The following KHDRBS2 variants were observed in gnomAD, a reference collection of about 807,000 sequenced individuals.
The protein encoded by KHDRBS2 is KH RNA binding domain containing, signal transduction associated 2.
A neutral mutation model predicts 44.3 loss-of-function variants in KHDRBS2; 26 were observed. The observed-to-expected ratio is 0.59, with a 90% confidence interval of 0.43 to 0.81. The LOEUF (loss-of-function observed/expected upper bound fraction) is 0.81. KHDRBS2 is among the 40% of genes least tolerant of loss of function. KHDRBS2 has a pLI of 0.00. For missense variants in KHDRBS2, 476 were observed against 433.1 expected (o/e 1.10, Z -0.88); for synonymous variants, 194 against 151.1 (o/e 1.28, Z -2.08).
intron 7 of KHDRBS2, among the ~76,000 whole-genome samples, chr6:61,708,992 T>C (rs1246015490): frequency 6.6e-6 from 1 of 151,698 alleles, no homozygotes; most frequent in East Asian, 1.9e-4. Flanking sequence ...AATCATTTAA[T>C]CTCACCAACT....
intron 2 of KHDRBS2, among the ~76,000 whole-genome samples, chr6:62,108,766 T>C (rs208986): frequency 0.8 from 121,432 of 152,120 alleles, 49,121 homozygotes; most frequent in African/African-American, 0.93. Flanking sequence ...ACTATGCACC[T>C]ATAAAAATGA....
intron 2 of KHDRBS2, among the ~76,000 whole-genome samples, chr6:62,060,981 G>A (rs1454333411): frequency 6.6e-6 from 1 of 151,818 alleles, no homozygotes. Context: ...TTTTATCAGA[G>A]ACTAGGATTG....
chr6:61,994,563 G>A (rs879339797), intron 3 of KHDRBS2, among the ~76,000 whole-genome samples: 42 of 152,164 alleles, frequency 2.8e-4, no homozygotes, highest in Non-Finnish European at 4.0e-4. Context: ...AAGACTCTGT[G>A]TTATGAGTTT....
In KHDRBS2 at chr6:61,978,195, C is replaced by G; in HGVS notation, c.354G>C (p.Lys118Asn). The G allele has an allele frequency of 6.2e-7, 1 of 1,606,376 alleles. No homozygotes were observed. The highest frequency in any genetic ancestry group is 2.2e-5 in the East Asian group (1 of 44,778). ...AGTGGGCATATTTGGCTTCCCCACT[C>G]TTCCTTAGTTCTTCTTCCTGTGAAA... ...RDKAKEEELRKSGEAKYAHLS... is the reference protein window; with the variant it reads ...RDKAKEEELRNSGEAKYAHLS... Residue 118 changes from lysine to asparagine, a missense_variant, in exon 4 of 9, where the codon AAG becomes AAC. Physicochemically the swap from Lys to Asn is moderately conservative, Grantham distance 94. Coordinates refer to ENST00000281156, the MANE Select transcript of KHDRBS2 (RefSeq NM_152688.4).
At chr6:61,955,193 T>A (rs1766409915) in intron 4 of KHDRBS2, among the ~76,000 whole-genome samples, 1 of 145,582 alleles carries the variant, frequency 6.9e-6, no homozygotes, top group East Asian at 2.1e-4. Context: ...TACGTTTGTA[T>A]GTATACATAT....
chr6:61,649,011 A>G, the KHDRBS2 span, among the ~76,000 whole-genome samples: 1 of 152,070 alleles, frequency 6.6e-6, no homozygotes, highest in African/African-American at 2.4e-5. Context: ...GTGGTTGATC[A>G]AGGGGAAAAA....
the KHDRBS2 span, among the ~76,000 whole-genome samples, chr6:61,557,059 G>A: frequency 6.6e-6 from 1 of 151,858 alleles, no homozygotes; most frequent in Admixed American, 6.6e-5. Context: ...AAACAATATT[G>A]TCATATTATG....
intron 2 of KHDRBS2, among the ~76,000 whole-genome samples, chr6:62,160,864 G>A (rs1182449298): frequency 6.6e-6 from 1 of 152,020 alleles, no homozygotes; most frequent in Non-Finnish European, 1.5e-5. Flanking sequence ...AGTATACAGT[G>A]TAGTGGTGTT....
Position 61,797,103 on chromosome 6 carries a change from A to G in KHDRBS2, c.811-64339T>C, listed in dbSNP as rs368528442. Among the ~76,000 whole-genome samples the G allele has an allele frequency of 8.3e-4, 127 of 152,258 alleles. 4 individuals carry two copies. The South Asian group carries it at 0.023, about 27-fold the overall frequency. On this transcript the variant is annotated intron_variant, in intron 6 of 8. Coordinates refer to ENST00000281156, the MANE Select transcript of KHDRBS2 (RefSeq NM_152688.4). ...TTTCAGATGTATTCTTAAGAAAAAA[A>G]TAAAAAAATACTAAATACCCCTGAG...
intron 2 of KHDRBS2, among the ~76,000 whole-genome samples, chr6:62,073,747 C>T (rs1267153068): frequency 6.6e-6 from 1 of 151,584 alleles, no homozygotes; most frequent in Non-Finnish European, 1.5e-5. Flanking sequence ...CATGAAATTT[C>T]TGATTGCTAT....
At chr6:62,248,687 G>C (rs1183630124) in intron 1 of KHDRBS2, among the ~76,000 whole-genome samples, 1 of 152,018 alleles carries the variant, frequency 6.6e-6, no homozygotes, top group South Asian at 2.1e-4. Flanking sequence ...ATATTAATGA[G>C]GGCATTGTAT....
At chr6:62,065,803 A>G (rs1793529446) in intron 2 of KHDRBS2, among the ~76,000 whole-genome samples, 1 of 151,872 alleles carries the variant, frequency 6.6e-6, no homozygotes, top group South Asian at 2.1e-4. Context: ...AGAATGATCC[A>G]TGTTTTACCA....
intron 2 of KHDRBS2, among the ~76,000 whole-genome samples, chr6:62,093,465 A>T (rs1156388017): frequency 6.6e-6 from 1 of 151,928 alleles, no homozygotes; most frequent in Admixed American, 6.6e-5. Flanking sequence ...ATCACCTTAA[A>T]CATTTATCAT....
At chr6:62,152,799 T>G (rs533323026) in intron 2 of KHDRBS2, among the ~76,000 whole-genome samples, 1 of 152,268 alleles carries the variant, frequency 6.6e-6, no homozygotes, top group African/African-American at 2.4e-5. Context: ...ATACACACAC[T>G]ATCCTCAGGA....
chr6:61,824,837 T>C (rs888100491), intron 6 of KHDRBS2, among the ~76,000 whole-genome samples: 1 of 152,004 alleles, frequency 6.6e-6, no homozygotes, highest in South Asian at 2.1e-4. Flanking sequence ...ATTTAAATAT[T>C]TACCAGAAAT....
At chr6:62,270,685 T>C (rs1176627767) in intron 1 of KHDRBS2, among the ~76,000 whole-genome samples, 3 of 152,128 alleles carry the variant, frequency 2.0e-5, no homozygotes, top group Non-Finnish European at 4.4e-5. Context: ...CATTTCACTG[T>C]TGATATATTT....
At chr6:61,612,229 G>A in the KHDRBS2 span, among the ~76,000 whole-genome samples, 1 of 151,974 alleles carries the variant, frequency 6.6e-6, no homozygotes, top group East Asian at 1.9e-4. Context: ...AGGCTAATGA[G>A]GACACTTTTT....
chr6:62,179,547 GTAT>G (rs1360310746), intron 1 of KHDRBS2, among the ~76,000 whole-genome samples: 8 of 151,716 alleles, frequency 5.3e-5, no homozygotes, highest in African/African-American at 9.7e-5. Context: ...CCCTATGGGT[GTAT>G]ACACCTACAT....
chr6:61,542,886 G>C, the KHDRBS2 span, among the ~76,000 whole-genome samples: 1 of 151,840 alleles, frequency 6.6e-6, no homozygotes, highest in Non-Finnish European at 1.5e-5. Flanking sequence ...AGAAAAACAA[G>C]ATAAAAAGAA....
Sources: gnomAD v4.1 joint callset for allele counts (sites outside exome capture counted in the v4.1 genomes callset) on GRCh38, gnomAD v4.1.1 for gene constraint, MANE v1.5 for transcripts, NCBI Gene and HGNC (gene_info 2026-07-23, HGNC 2026-07-21) for gene names.